The following RTRAF variants were observed in gnomAD, a reference collection of about 807,000 sequenced individuals.
RTRAF encodes the protein RNA transcription, translation and transport factor.
In RTRAF, 14 loss-of-function variants were observed where a neutral mutation model predicts 34.4. The ratio of observed to expected loss-of-function variants is 0.41; its 90% CI spans 0.27 to 0.64. The LOEUF is 0.64. Among genes scored for constraint, RTRAF ranks in the 30% least tolerant of loss-of-function variants. The pLI, the probability that RTRAF is intolerant of heterozygous loss-of-function variation, is 0.34. For missense variants in RTRAF, 291 were observed against 288.4 expected (o/e 1.01, Z -0.06); for synonymous variants, 96 against 95.3 (o/e 1.01, Z -0.04).
chr14:52,009,297 A>T lies in RTRAF; in HGVS notation c.*4781A>T, dbSNP rs73284361. ...AGTCTCCTCCCCAAAATGATTTAAT[A>T]TCATCAACAACAATAAGTCTGAAAC... On this transcript the variant is annotated 3_prime_UTR_variant, in exon 8 of 8. Transcript: ENST00000261700. 1 of 152,244 alleles carries T rather than the reference A, an allele frequency of 6.6e-6. No homozygotes were observed. The highest frequency in any genetic ancestry group is 1.5e-5 in the Non-Finnish European group (1 of 68,042). The allele number at this position is 152,244 out of a possible 1,614,324, so 9.4% of individuals were successfully genotyped here.
chr14:52,008,248 C>T lies in RTRAF; in HGVS notation c.*3732C>T, dbSNP rs529771287. On this transcript the variant is annotated 3_prime_UTR_variant, in exon 8 of 8. Coordinates refer to ENST00000261700, the MANE Select transcript of RTRAF (RefSeq NM_016039.3). Reference sequence around the variant, plus strand: ...AAGCTGGATGCCATGTTGCAAGCTACCCTGTAAAGGGGAACATGTGCCAAG... The same window carrying T: ...AAGCTGGATGCCATGTTGCAAGCTATCCTGTAAAGGGGAACATGTGCCAAG... 7.6e-5 allele frequency: 23 copies of T among 301,630 alleles called. No homozygotes were observed. The South Asian group carries it at 1.3e-3, about 18-fold the overall frequency. The allele number at this position is 301,630 out of a possible 1,614,324, so 18.7% of individuals were successfully genotyped here.
chr14:51,991,247 G>A, intron 1 of RTRAF, 70 bp from the exon 2 acceptor site: 1 of 1,468,456 alleles, frequency 6.8e-7, no homozygotes. Flanking sequence ...ACATATATCT[G>A]AACATATACC....
Position 52,008,040 on chromosome 14 carries a change from AGT to A in RTRAF, c.*3526_*3527del, listed in dbSNP as rs1890860041. The A allele has an allele frequency of 8.2e-6, 10 of 1,223,604 alleles. No homozygotes were observed. Among genetic ancestry groups the A allele is most frequent in the Admixed American group, 7.0e-5 (3 of 42,686 alleles). 75.8% of individuals were successfully genotyped at this position (1,223,604 alleles called of 1,614,324 possible). ...GGTAGGCAGCATCTAAGCAGCCCCCAGTGATCTCCATCTCCTCATGTATTATA... is the reference window on the plus strand; with the variant it reads ...GGTAGGCAGCATCTAAGCAGCCCCCAGATCTCCATCTCCTCATGTATTATA... On this transcript the variant is annotated 3_prime_UTR_variant, in exon 8 of 8. Coordinates refer to ENST00000261700, the MANE Select transcript of RTRAF (RefSeq NM_016039.3).
chr14:52,006,386 G>A lies in RTRAF; in HGVS notation c.*1870G>A. ...ACATGAAAGGATGAAAAACATCCTT[G>A]AAGGATCTTATCTGCCAATGAGGAG... On this transcript the variant is annotated 3_prime_UTR_variant, in exon 8 of 8. Coordinates refer to ENST00000261700, the MANE Select transcript of RTRAF (RefSeq NM_016039.3). 6 of 787,784 alleles carry A rather than the reference G, an allele frequency of 7.6e-6. No homozygotes were observed. The highest frequency in any genetic ancestry group is 1.2e-5 in the Non-Finnish European group (6 of 487,718). 48.8% of individuals were successfully genotyped at this position (787,784 alleles called of 1,614,324 possible).
In RTRAF at chr14:52,006,123, T is replaced by A. The variant is rs1457721367; in HGVS notation, c.*1607T>A. On this transcript the variant is annotated 3_prime_UTR_variant, in exon 8 of 8. Coordinates refer to ENST00000261700, the MANE Select transcript of RTRAF (RefSeq NM_016039.3). The stretch of plus-strand genomic sequence containing the variant: ...ACTTTAATGTTCCACAGTTCCTCAT[T>A]TGAGAACTAGTCTAAATAGTATTTT... 4.4e-6 allele frequency: 2 copies of A among 459,112 alleles called. No individual in the cohort carries two copies. The highest frequency in any genetic ancestry group is 2.0e-5 in the African/African-American group (1 of 50,830). The allele number at this position is 459,112 out of a possible 1,614,324, so 28.4% of individuals were successfully genotyped here.
At position 52,008,336 on chromosome 14, in the gene RTRAF, A is replaced by G. The variant is rs73284352; in HGVS notation, c.*3820A>G. 5.7e-3 allele frequency: 947 copies of G among 167,112 alleles called. 8 individuals are homozygous for G. The highest frequency in any genetic ancestry group is 0.022 in the African/African-American group (907 of 41,930). 10.4% of individuals were successfully genotyped at this position (167,112 alleles called of 1,614,324 possible). On this transcript the variant is annotated 3_prime_UTR_variant, in exon 8 of 8. Coordinates refer to ENST00000261700, the MANE Select transcript of RTRAF (RefSeq NM_016039.3). ...AGTCTTGCCTGTAGCCCATGTGAGC[A>G]TGCTTGGGCTGTGTCTTCCCCGAGC...
intron 3 of RTRAF, chr14:51,998,202 C>G: frequency 4.7e-6 from 1 of 211,010 alleles, no homozygotes; most frequent in East Asian, 1.0e-4. Context: ...ATTTCATGCA[C>G]AAAATTATTA....
chr14:52,004,033 CA>C lies in RTRAF; in HGVS notation c.532-159del, dbSNP rs1408198691. 18 of 662,044 alleles carry C rather than the reference CA, an allele frequency of 2.7e-5. No homozygotes were observed. In the Admixed American group the frequency reaches 5.0e-4, roughly 18 times the overall value. 41.0% of individuals were successfully genotyped at this position (662,044 alleles called of 1,614,324 possible). On this transcript the variant is annotated intron_variant, in intron 6 of 7. Coordinates refer to ENST00000261700, the MANE Select transcript of RTRAF (RefSeq NM_016039.3). Reference sequence around the variant, plus strand: ...TGAAATAGGGAAAACTCGCTAATCACAATCATCACAAAGCAAATATAAACAA... The same window carrying C: ...TGAAATAGGGAAAACTCGCTAATCACATCATCACAAAGCAAATATAAACAA...
Position 52,006,665 on chromosome 14 carries a change from TA to T in RTRAF, c.*2153del, listed in dbSNP as rs767531887. 3.3e-5 allele frequency: 53 copies of T among 1,613,102 alleles called. No individual in the cohort carries two copies. The highest frequency in any genetic ancestry group is 4.3e-5 in the Non-Finnish European group (51 of 1,179,410). On this transcript the variant is annotated 3_prime_UTR_variant, in exon 8 of 8. Coordinates refer to ENST00000261700, the MANE Select transcript of RTRAF (RefSeq NM_016039.3). ...TACACTCCAGTTTTTTGGTTCCTTT[TA>T]AAACAAAGGGGGAAAATGAGGTCCT...
rs1319328059 is a variant in RTRAF at position 52,004,535 on chromosome 14, T to G, written c.*19T>G. 1 of 1,604,592 alleles carries G rather than the reference T, an allele frequency of 6.2e-7. No individual in the cohort carries two copies. Among genetic ancestry groups the G allele is most frequent in the Non-Finnish European group, 8.5e-7 (1 of 1,176,838 alleles). On this transcript the variant is annotated 3_prime_UTR_variant, in exon 8 of 8. Transcript: ENST00000261700. ...AAGATGAACACTTGAGGACTTCAGC[T>G]TCTCACCTACTTAGTACAGTTGGGA...
intron 2 of RTRAF, among the ~76,000 whole-genome samples, chr14:51,993,163 G>A (rs1269203886): frequency 6.6e-6 from 1 of 151,950 alleles, no homozygotes; most frequent in Non-Finnish European, 1.5e-5. Flanking sequence ...TATCCTTCAA[G>A]TTGATTTTAT....
Position 52,006,210 on chromosome 14 carries a change from C to G in RTRAF, c.*1694C>G. On this transcript the variant is annotated 3_prime_UTR_variant, in exon 8 of 8. Coordinates refer to ENST00000261700, the MANE Select transcript of RTRAF (RefSeq NM_016039.3). Reference sequence around the variant, plus strand: ...CCAACTTAAGCCCTGTAATATAGCTCATGGTATCAAGGGTAGTCTTATTCT... The same window carrying G: ...CCAACTTAAGCCCTGTAATATAGCTGATGGTATCAAGGGTAGTCTTATTCT... 7.6e-6 allele frequency: 3 copies of G among 392,684 alleles called. No individual in the cohort carries two copies. The South Asian group carries it at 8.6e-5, about 11-fold the overall frequency. 24.3% of individuals were successfully genotyped at this position (392,684 alleles called of 1,614,324 possible). A position where few individuals can be genotyped will look rare whatever the true frequency, so the allele number is the denominator to read the frequency against.
chr14:51,998,496 G>T lies in RTRAF; in HGVS notation c.289G>T (p.Glu97Ter). 6.5e-7 allele frequency: 1 copy of T among 1,541,696 alleles called. No individual in the cohort carries two copies. Among genetic ancestry groups the T allele is most frequent in the Non-Finnish European group, 8.8e-7 (1 of 1,141,102 alleles). Residue 97 changes from glutamate to a stop codon, truncating the protein, a stop_gained and splice_region_variant, in exon 4 of 8, where the codon GAA becomes TAA. Coordinates refer to ENST00000261700, the MANE Select transcript of RTRAF (RefSeq NM_016039.3). LOFTEE classifies it high-confidence loss of function. Reference sequence around the variant, plus strand: ...TATATTTTTGCCTGTTTTTATAGCTGAAAAATACAAGGATTTAGTACCTGA... The same window carrying T: ...TATATTTTTGCCTGTTTTTATAGCTTAAAAATACAAGGATTTAGTACCTGA... Reference protein sequence around the residue: ...AVRLEYGDNAEKYKDLVPDNS... With the variant: ...AVRLEYGDNA
Position 52,008,967 on chromosome 14 carries a change from A to G in RTRAF, c.*4451A>G, listed in dbSNP as rs781713015. On this transcript the variant is annotated 3_prime_UTR_variant, in exon 8 of 8. Coordinates refer to ENST00000261700, the MANE Select transcript of RTRAF (RefSeq NM_016039.3). ...GGAAATATGGTCCTATTAAGTGGAA[A>G]TAGGTTATAAGGAAACAAACAGGTT... The G allele has an allele frequency of 2.0e-5, 3 of 152,224 alleles. No homozygotes were observed. The highest frequency in any genetic ancestry group is 4.4e-5 in the Non-Finnish European group (3 of 68,032). The allele number at this position is 152,224 out of a possible 1,614,324, so 9.4% of individuals were successfully genotyped here. A position where few individuals can be genotyped will look rare whatever the true frequency, so the allele number is the denominator to read the frequency against.
At position 52,006,039 on chromosome 14, in the gene RTRAF, T is replaced by C; in HGVS notation, c.*1523T>C. Reference sequence around the variant, plus strand: ...TCCATTGCTCATCTCTAGCTGCATGTTAGAATCACATGATGAGCTATCAAA... The same window carrying C: ...TCCATTGCTCATCTCTAGCTGCATGCTAGAATCACATGATGAGCTATCAAA... On this transcript the variant is annotated 3_prime_UTR_variant, in exon 8 of 8. Coordinates refer to ENST00000261700, the MANE Select transcript of RTRAF (RefSeq NM_016039.3). 1.7e-6 allele frequency: 1 copy of C among 574,300 alleles called. No homozygotes were observed. The highest frequency in any genetic ancestry group is 3.0e-5 in the East Asian group (1 of 33,588). 35.6% of individuals were successfully genotyped at this position (574,300 alleles called of 1,614,324 possible).
rs775155639 is a variant in RTRAF at position 51,989,710 on chromosome 14, C to A, written c.61+10C>A. ...GGCTTCAACTGCAAAGGTGAGGCGGCGGCCTCAGCCCGGCCGCGTGTCCCT... is the reference window on the plus strand; with the variant it reads ...GGCTTCAACTGCAAAGGTGAGGCGGAGGCCTCAGCCCGGCCGCGTGTCCCT... On this transcript the variant is annotated intron_variant, in intron 1 of 7. Transcript: ENST00000261700. 31 of 1,595,520 alleles carry A rather than the reference C, an allele frequency of 1.9e-5. No individual in the cohort carries two copies. Among genetic ancestry groups the A allele is most frequent in the Non-Finnish European group, 2.6e-5 (31 of 1,172,116 alleles).
At position 52,007,526 on chromosome 14, in the gene RTRAF, A is replaced by C; in HGVS notation, c.*3010A>C. 2.6e-6 allele frequency: 1 copy of C among 377,876 alleles called. No homozygotes were observed. Among genetic ancestry groups the C allele is most frequent in the Non-Finnish European group, 4.8e-6 (1 of 209,344 alleles). The allele number at this position is 377,876 out of a possible 1,614,324, so 23.4% of individuals were successfully genotyped here. On this transcript the variant is annotated 3_prime_UTR_variant, in exon 8 of 8. Coordinates refer to ENST00000261700, the MANE Select transcript of RTRAF (RefSeq NM_016039.3). ...AAGAATAACTTCACTTAAGTTTGTC[A>C]ATTCAACAATGGCTAATTCTTTTAA...
intron 6 of RTRAF, chr14:52,003,884 A>G (rs1167278866): frequency 3.4e-6 from 1 of 294,746 alleles, no homozygotes; most frequent in Admixed American, 4.9e-5. Flanking sequence ...CTTGCCTTCC[A>G]TAGCAGTAAT....
Position 52,001,951 on chromosome 14 carries a change from T to C in RTRAF, c.531+85T>C, listed in dbSNP as rs1890607846. The C allele has an allele frequency of 2.6e-6, 3 of 1,148,224 alleles. No homozygotes were observed. In the East Asian group the frequency reaches 7.7e-5, roughly 29 times the overall value. 71.1% of individuals were successfully genotyped at this position (1,148,224 alleles called of 1,614,324 possible). A position where few individuals can be genotyped will look rare whatever the true frequency, so the allele number is the denominator to read the frequency against. On this transcript the variant is annotated intron_variant, in intron 6 of 7. Transcript: ENST00000261700. ...ATTTTAAACTTTGCATGTATCTGTT[T>C]AAGATATCCATTCTACGTTCTACAA...
Sources: allele counts gnomAD v4.1 joint callset (sites outside exome capture counted in the v4.1 genomes callset), GRCh38; gene constraint gnomAD v4.1.1; transcripts MANE v1.5; gene names NCBI Gene and HGNC (gene_info 2026-07-23, HGNC 2026-07-21).